SEL1L2: variants seen among roughly 807,000 people sequenced by gnomAD.
SEL1L2 encodes the protein SEL1L2 adaptor subunit of SYVN1 ubiquitin ligase.
Under a neutral mutation model 98.8 loss-of-function variants are expected in SEL1L2, and 89 were observed. The observed-to-expected ratio is 0.90, with a 90% confidence interval of 0.76 to 1.07. SEL1L2 has a LOEUF of 1.07. Ranked by LOEUF, SEL1L2 falls within the 50% of genes least tolerant of loss-of-function variation. The pLI, the probability that SEL1L2 is intolerant of heterozygous loss-of-function variation, is 0.00. For synonymous variants in SEL1L2, 262 were observed against 278.5 expected, an observed-to-expected ratio of 0.94 and a Z score of 0.59; for missense variants, 788 against 812.0, an observed-to-expected ratio of 0.97 and a Z score of 0.36.
intron 2 of SEL1L2, among the ~76,000 whole-genome samples, chr20:13,938,273 G>A (rs911886974): frequency 6.6e-6 from 1 of 152,006 alleles, no homozygotes; most frequent in South Asian, 2.1e-4. Flanking sequence ...TAGAGATGGG[G>A]TTTCACCATG....
rs74748199 is a variant in SEL1L2 at position 13,930,797 on chromosome 20, G to A, written c.283+806C>T. ...CATAACCCATGGTTCATAACCCATG[G>A]TTCTCAATTTCTATCTATTGCTCTT... On this transcript the variant is annotated intron_variant, in intron 3 of 19. Coordinates refer to ENST00000284951, the MANE Select transcript of SEL1L2 (RefSeq NM_025229.2). Among the ~76,000 whole-genome samples the A allele has an allele frequency of 9.3e-3, 1,410 of 152,142 alleles. 16 individuals are homozygous for A. The highest frequency in any genetic ancestry group is 0.013 in the Non-Finnish European group (904 of 67,994).
chr20:13,902,988 G>A (rs909026399), intron 5 of SEL1L2, among the ~76,000 whole-genome samples: 2 of 151,690 alleles, frequency 1.3e-5, no homozygotes, highest in East Asian at 1.9e-4. Flanking sequence ...CACTGGTAGC[G>A]GGGGCTGTAG....
At chr20:13,969,076 G>A (rs529516059) in intron 1 of SEL1L2, among the ~76,000 whole-genome samples, 7 of 152,290 alleles carry the variant, frequency 4.6e-5, no homozygotes, top group Admixed American at 2.0e-4. Context: ...TTGAAAGGCT[G>A]AAATTTTGCA....
At chr20:13,884,923 T>C (rs2046880728) in intron 10 of SEL1L2, among the ~76,000 whole-genome samples, 2 of 152,196 alleles carry the variant, frequency 1.3e-5, no homozygotes, top group Admixed American at 1.3e-4. Flanking sequence ...AAAAGCAATC[T>C]GTCTTCTGAT....
At position 13,935,376 on chromosome 20, in the gene SEL1L2, C is replaced by T. The variant is rs531105344; in HGVS notation, c.115-3605G>A. On this transcript the variant is annotated intron_variant, in intron 2 of 19. Coordinates refer to ENST00000284951, the MANE Select transcript of SEL1L2 (RefSeq NM_025229.2). The stretch of plus-strand genomic sequence containing the variant: ...GCTGATTTTCTGCCAGGGAAGATAA[C>T]AGTCAACTGATAAAAGGAGTTGTTT... Among the ~76,000 whole-genome samples, 20 of 152,270 alleles carry T rather than the reference C, an allele frequency of 1.3e-4. No homozygotes were observed. The South Asian group carries it at 4.1e-3, about 32-fold the overall frequency.
chr20:13,941,560 T>C (rs568402157), intron 2 of SEL1L2, among the ~76,000 whole-genome samples: 1 of 152,272 alleles, frequency 6.6e-6, no homozygotes, highest in Admixed American at 6.5e-5. Flanking sequence ...AAGTCAAAGA[T>C]AACTTCTTGT....
At chr20:13,854,095 G>A (rs766655763) in intron 18 of SEL1L2, among the ~76,000 whole-genome samples, 2 of 152,162 alleles carry the variant, frequency 1.3e-5, no homozygotes, top group Non-Finnish European at 2.9e-5. Context: ...TAAAGCTTCA[G>A]CTGTAACACT....
At chr20:13,905,471 C>T (rs999688726) in intron 5 of SEL1L2, among the ~76,000 whole-genome samples, 3 of 151,928 alleles carry the variant, frequency 2.0e-5, no homozygotes, top group Non-Finnish European at 1.5e-5. Context: ...CCACCATGCC[C>T]GGCTAATTTT....
chr20:13,894,715 A>G (rs1008978315), intron 5 of SEL1L2, among the ~76,000 whole-genome samples: 1 of 152,258 alleles, frequency 6.6e-6, no homozygotes, highest in African/African-American at 2.4e-5. Context: ...GTTATGAACA[A>G]TTATGCACCA....
chr20:13,948,187 C>T (rs1569023052), intron 2 of SEL1L2, among the ~76,000 whole-genome samples: 1 of 151,922 alleles, frequency 6.6e-6, no homozygotes, highest in African/African-American at 2.4e-5. Flanking sequence ...CAATACTATC[C>T]AATGCGATCT....
At chr20:13,938,153 T>C (rs1283702212) in intron 2 of SEL1L2, among the ~76,000 whole-genome samples, 2 of 151,626 alleles carry the variant, frequency 1.3e-5, no homozygotes, top group Non-Finnish European at 2.9e-5. Flanking sequence ...CGATTTCAGC[T>C]CACTGCAACC....
intron 9 of SEL1L2, among the ~76,000 whole-genome samples, chr20:13,885,735 A>G (rs1282820282): frequency 6.6e-6 from 1 of 152,172 alleles, no homozygotes; most frequent in Non-Finnish European, 1.5e-5. Context: ...TAGTTTATTC[A>G]TACTAAAACC....
intron 5 of SEL1L2, among the ~76,000 whole-genome samples, chr20:13,897,451 C>G (rs2047470938): frequency 6.6e-6 from 1 of 152,100 alleles, no homozygotes; most frequent in Admixed American, 6.5e-5. Context: ...ACAATTGATA[C>G]AGTAAAACAG....
chr20:13,961,933 T>G lies in SEL1L2; in HGVS notation c.59-5802A>C, dbSNP rs909621699. ...TAATATAGTTTTGCTGTCTTTCCAG[T>G]GTACATTGGGTATGTGAAGGCATAG... On this transcript the variant is annotated intron_variant, in intron 1 of 19. Transcript: ENST00000284951. Among the ~76,000 whole-genome samples the G allele has an allele frequency of 5.9e-5, 9 of 152,190 alleles. No individual in the cohort carries two copies. The South Asian group carries it at 1.7e-3, about 28-fold the overall frequency.
chr20:13,937,285 G>C (rs2049501111), intron 2 of SEL1L2, among the ~76,000 whole-genome samples: 2 of 152,178 alleles, frequency 1.3e-5, no homozygotes, highest in South Asian at 4.1e-4. Context: ...GGTGAAAAAG[G>C]GGTCCTCGGA....
In SEL1L2 at chr20:13,912,443, T is replaced by C. The variant is rs540190525; in HGVS notation, c.549+1339A>G. On this transcript the variant is annotated intron_variant, in intron 5 of 19. Coordinates refer to ENST00000284951, the MANE Select transcript of SEL1L2 (RefSeq NM_025229.2). The stretch of plus-strand genomic sequence containing the variant: ...TCTCGAGCAGCTGGAATTACAGGCA[T>C]GTGCCATGACGCCCAGCTAATTTTT... 2.4e-4 allele frequency among the ~76,000 whole-genome samples: 37 copies of C among 152,132 alleles called. 1 individual carries two copies. The South Asian group carries it at 7.5e-3, about 31-fold the overall frequency.
At chr20:13,973,962 C>T (rs2148518364) in intron 1 of SEL1L2, among the ~76,000 whole-genome samples, 1 of 152,286 alleles carries the variant, frequency 6.6e-6, no homozygotes. Context: ...CTGCTGATCC[C>T]TGGACTTGGG....
chr20:13,920,160 A>T (rs2048589323), intron 3 of SEL1L2, among the ~76,000 whole-genome samples: 1 of 145,716 alleles, frequency 6.9e-6, no homozygotes, highest in African/African-American at 2.6e-5. Flanking sequence ...CTCAGGAGGC[A>T]GAAGTTACAG....
chr20:13,980,769 AT>A (rs2051776192), intron 1 of SEL1L2, among the ~76,000 whole-genome samples: 1 of 152,226 alleles, frequency 6.6e-6, no homozygotes, highest in Admixed American at 6.5e-5. Flanking sequence ...GATGAAGAAA[AT>A]GTTGTATATA....
Sources: gnomAD v4.1 joint callset for allele counts (sites outside exome capture counted in the v4.1 genomes callset) on GRCh38, gnomAD v4.1.1 for gene constraint, MANE v1.5 for transcripts, NCBI Gene and HGNC (gene_info 2026-07-23, HGNC 2026-07-21) for gene names.